Variants in ADAMTSL1 observed in about 807,000 individuals in gnomAD.
The protein encoded by ADAMTSL1 is ADAMTS-like protein 1.
A neutral mutation model predicts 201.8 loss-of-function variants in ADAMTSL1; 126 were observed. The observed-to-expected ratio is 0.62, with a 90% confidence interval of 0.54 to 0.72. ADAMTSL1 has a LOEUF of 0.72. Ranked by LOEUF, ADAMTSL1 falls within the 30% of genes least tolerant of loss-of-function variation. The pLI is 0.00. For missense variants in ADAMTSL1, 2,679 were observed against 2,277.8 expected (o/e 1.18, Z -3.59); for synonymous variants, 1,121 against 903.4 (o/e 1.24, Z -4.32).
intron 4 of ADAMTSL1, among the ~76,000 whole-genome samples, chr9:18,610,338 A>C (rs554817528): frequency 5.9e-5 from 9 of 152,256 alleles, no homozygotes; most frequent in Admixed American, 5.2e-4. Flanking sequence ...AACAACCTTT[A>C]GTTTCTCAAG....
rs539570151 is a variant in ADAMTSL1, at chr9:18,318,859, A to G, written c.207+154878A>G. ...GCCAAGCTGTATGCCAAGTGCTTTT[A>G]TAGATATAATTTTATTTAGTGCGTG... On this transcript the variant is annotated intron_variant, in intron 2 of 29. Transcript: ENST00000680146. Among the ~76,000 whole-genome samples the G allele has an allele frequency of 6.6e-5, 10 of 152,254 alleles. No homozygotes were observed. The South Asian group carries it at 8.3e-4, about 13-fold the overall frequency.
chr9:17,982,699 T>G (rs1013994264), intron 1 of ADAMTSL1, among the ~76,000 whole-genome samples: 2 of 152,146 alleles, frequency 1.3e-5, no homozygotes, highest in African/African-American at 4.8e-5. Flanking sequence ...CAGGCTCAGT[T>G]TAAATGGCAG....
chr9:18,547,404 T>G (rs762308383), intron 3 of ADAMTSL1, among the ~76,000 whole-genome samples: 1 of 151,798 alleles, frequency 6.6e-6, no homozygotes, highest in Non-Finnish European at 1.5e-5. Context: ...AGAGAAAAAG[T>G]CCATGGACCA....
intron 23 of ADAMTSL1, among the ~76,000 whole-genome samples, chr9:18,863,305 G>T (rs746427368): frequency 3.9e-5 from 6 of 152,192 alleles, no homozygotes; most frequent in Non-Finnish European, 8.8e-5. Context: ...TTCATGCTGA[G>T]AAATATATCA....
At chr9:18,307,113 G>A (rs1456369083) in intron 2 of ADAMTSL1, among the ~76,000 whole-genome samples, 2 of 152,076 alleles carry the variant, frequency 1.3e-5, no homozygotes, top group Non-Finnish European at 2.9e-5. Flanking sequence ...AAGCGAAGGG[G>A]AAATAAAATC....
At chr9:18,711,978 C>T (rs1404001357) in intron 14 of ADAMTSL1, among the ~76,000 whole-genome samples, 8 of 152,170 alleles carry the variant, frequency 5.3e-5, no homozygotes, top group African/African-American at 1.7e-4. Flanking sequence ...CACCCCCCAG[C>T]AGGGGCAGAC....
intron 1 of ADAMTSL1, among the ~76,000 whole-genome samples, chr9:17,979,074 A>G (rs1818577363): frequency 2.6e-5 from 4 of 151,808 alleles, no homozygotes; most frequent in Admixed American, 2.6e-4. Context: ...TGCGTGTGAC[A>G]ATCTCTTTTT....
At chr9:18,572,484 C>G (rs776588092) in intron 3 of ADAMTSL1, among the ~76,000 whole-genome samples, 11 of 152,068 alleles carry the variant, frequency 7.2e-5, no homozygotes, top group Non-Finnish European at 1.3e-4. Context: ...GTATCTGTAC[C>G]TATGTTATAT....
chr9:17,984,375 A>G (rs908369000), intron 1 of ADAMTSL1, among the ~76,000 whole-genome samples: 1 of 152,086 alleles, frequency 6.6e-6, no homozygotes, highest in African/African-American at 2.4e-5. Flanking sequence ...TGTTTGATTA[A>G]CTACTAAATG....
At chr9:18,796,412 T>C (rs545142543) in intron 20 of ADAMTSL1, 2 of 152,372 alleles carry the variant, frequency 1.3e-5, no homozygotes, top group East Asian at 3.9e-4. Flanking sequence ...TCTTTGTGGC[T>C]GTGTTGCATG....
chr9:18,036,986 A>C (rs1675417571), intron 1 of ADAMTSL1, among the ~76,000 whole-genome samples: 1 of 152,170 alleles, frequency 6.6e-6, no homozygotes, highest in African/African-American at 2.4e-5. Flanking sequence ...AACAAACTCA[A>C]AACTCACTTC....
intron 2 of ADAMTSL1, among the ~76,000 whole-genome samples, chr9:18,315,978 G>A (rs749369060): frequency 4.6e-5 from 7 of 152,208 alleles, no homozygotes; most frequent in Non-Finnish European, 7.3e-5. Flanking sequence ...CAGCTGGCTT[G>A]AGAAATAAAG....
At chr9:18,392,998 T>C (rs763551074) in intron 2 of ADAMTSL1, among the ~76,000 whole-genome samples, 10 of 152,210 alleles carry the variant, frequency 6.6e-5, no homozygotes, top group Non-Finnish European at 1.2e-4. Flanking sequence ...TGAATACCTG[T>C]CATATTCCAG....
chr9:18,628,260 G>A (rs10810998), intron 5 of ADAMTSL1, among the ~76,000 whole-genome samples: 21,286 of 151,992 alleles, frequency 0.14, 1,638 homozygotes, highest in Admixed American at 0.21. Flanking sequence ...GTTATTTTTT[G>A]TATAAGGTGT....
intron 1 of ADAMTSL1, among the ~76,000 whole-genome samples, chr9:17,908,455 T>G (rs776758299): frequency 5.9e-5 from 9 of 151,848 alleles, no homozygotes; most frequent in Admixed American, 1.3e-4. Flanking sequence ...CCTGCCTTAA[T>G]GTGACTTTTT....
chr9:18,855,973 T>C (rs2131391853), intron 23 of ADAMTSL1, among the ~76,000 whole-genome samples: 1 of 152,322 alleles, frequency 6.6e-6, no homozygotes, highest in South Asian at 2.1e-4. Context: ...ACATGCACAG[T>C]AAAAACTGCA....
chr9:18,608,620 A>G (rs964587586), intron 4 of ADAMTSL1, among the ~76,000 whole-genome samples: 1 of 152,202 alleles, frequency 6.6e-6, no homozygotes, highest in Non-Finnish European at 1.5e-5. Flanking sequence ...GTAACTGATT[A>G]TCCTGAACCC....
At chr9:18,019,053 G>C (rs982639109) in intron 1 of ADAMTSL1, among the ~76,000 whole-genome samples, 5 of 152,034 alleles carry the variant, frequency 3.3e-5, no homozygotes, top group Middle Eastern at 3.2e-3. Context: ...GAGTGAGAAA[G>C]TGCAGGAAAG....
At chr9:18,525,067 G>T (rs1285991569) in intron 2 of ADAMTSL1, among the ~76,000 whole-genome samples, 1 of 152,112 alleles carries the variant, frequency 6.6e-6, no homozygotes, top group Non-Finnish European at 1.5e-5. Flanking sequence ...AATCTGTCTG[G>T]TCCTGGACTT....
Sources: gnomAD v4.1 joint callset for allele counts (sites outside exome capture counted in the v4.1 genomes callset) on GRCh38, gnomAD v4.1.1 for gene constraint, MANE v1.5 for transcripts, NCBI Gene and HGNC (gene_info 2026-07-23, HGNC 2026-07-21) for gene names.